The following CDH13 variants were observed in gnomAD, a reference collection of about 807,000 sequenced individuals.
CDH13 encodes cadherin-13.
In CDH13, 24 loss-of-function variants were observed where a neutral mutation model predicts 63.8. That is an observed-to-expected ratio of 0.38 (90% CI 0.27 to 0.53). The LOEUF (loss-of-function observed/expected upper bound fraction) is 0.53. Among genes scored for constraint, CDH13 ranks in the 20% least tolerant of loss-of-function variants. The pLI, the probability that CDH13 is intolerant of heterozygous loss-of-function variation, is 0.85. For synonymous variants in CDH13, 503 were observed against 355.3 expected, an observed-to-expected ratio of 1.42 and a Z score of -4.67; for missense variants, 1,049 against 903.1, an observed-to-expected ratio of 1.16 and a Z score of -2.07.
chr16:83,204,179 G>A (rs771135943), intron 4 of CDH13, among the ~76,000 whole-genome samples: 22 of 152,202 alleles, frequency 1.4e-4, no homozygotes, highest in Non-Finnish European at 2.8e-4. Flanking sequence ...CTACTGGGTT[G>A]AGTGCTCCTA....
intron 1 of CDH13, among the ~76,000 whole-genome samples, chr16:82,794,100 G>A (rs1007331522): frequency 1.3e-5 from 2 of 151,960 alleles, no homozygotes; most frequent in African/African-American, 2.4e-5. Flanking sequence ...GAGGGAGGAT[G>A]ACTTTGAATG....
intron 5 of CDH13, among the ~76,000 whole-genome samples, chr16:83,293,470 C>G (rs1447211226): frequency 6.6e-6 from 1 of 152,126 alleles, no homozygotes; most frequent in Non-Finnish European, 1.5e-5. Flanking sequence ...GTTTTCTTTA[C>G]AAAGCCACCT....
At chr16:82,876,571 C>A (rs1342998623) in intron 2 of CDH13, among the ~76,000 whole-genome samples, 1 of 152,164 alleles carries the variant, frequency 6.6e-6, no homozygotes, top group East Asian at 1.9e-4. Context: ...ACATTGCTTT[C>A]AACTTCTGTA....
chr16:83,208,004 TTTTA>T (rs2151774476), intron 4 of CDH13, among the ~76,000 whole-genome samples: 1 of 152,036 alleles, frequency 6.6e-6, no homozygotes, highest in East Asian at 1.9e-4. Flanking sequence ...GTTGCTGGAG[TTTTA>T]TTTTTCTTCC....
rs1567797605 is a variant in CDH13, at chr16:83,602,123, AAAAAAAAAAAAAAAAAAAAAC to A, written c.961-330_961-310del. ...GAACAACAACAAAAAAAAAAAAAAA[AAAAAAAAAAAAAAAAAAAAAC>A]CCAAAGGACAATGTATACCCAAGCC... is the stretch of plus-strand genomic sequence containing the variant. On this transcript the variant is annotated intron_variant, in intron 7 of 13. Transcript: ENST00000567109. 2.7e-4 allele frequency among the ~76,000 whole-genome samples: 27 copies of A among 101,084 alleles called. 1 individual carries two copies. Among genetic ancestry groups the A allele is most frequent in the African/African-American group, 8.3e-4 (18 of 21,742 alleles). The allele number at this position is 101,084 out of a possible 152,430, so 66.3% of individuals were successfully genotyped here.
Position 82,664,481 on chromosome 16 carries a change from A to G in CDH13, c.45+37344A>G, listed in dbSNP as rs960806981. Among the ~76,000 whole-genome samples, 6 of 152,250 alleles carry G rather than the reference A, an allele frequency of 3.9e-5. 1 individual carries two copies. The highest frequency in any genetic ancestry group is 4.1e-4 in the South Asian group (2 of 4,824). On this transcript the variant is annotated intron_variant, in intron 1 of 13. Coordinates refer to ENST00000567109, the MANE Select transcript of CDH13 (RefSeq NM_001257.5). Reference sequence around the variant, plus strand: ...AAAGCTGCCAGCCAGTGAGCCCAGCACAGTCAGAGTCCTGTCAATGCAGTA... The same window carrying G: ...AAAGCTGCCAGCCAGTGAGCCCAGCGCAGTCAGAGTCCTGTCAATGCAGTA...
chr16:83,548,010 G>T (rs1194944569), intron 7 of CDH13, among the ~76,000 whole-genome samples: 5 of 152,172 alleles, frequency 3.3e-5, no homozygotes, highest in Non-Finnish European at 7.3e-5. Flanking sequence ...AAGCTTTTGA[G>T]AGATTTCAGT....
At chr16:82,744,633 T>A (rs778438193) in intron 1 of CDH13, among the ~76,000 whole-genome samples, 3 of 152,066 alleles carry the variant, frequency 2.0e-5, no homozygotes, top group South Asian at 2.1e-4. Flanking sequence ...AGAACAAAGA[T>A]CTCCCCTCCC....
chr16:83,450,935 G>A (rs2072870451), intron 6 of CDH13, among the ~76,000 whole-genome samples: 1 of 152,184 alleles, frequency 6.6e-6, no homozygotes, highest in Non-Finnish European at 1.5e-5. Flanking sequence ...CCTTGTGTGT[G>A]CGTCGGCATC....
intron 5 of CDH13, among the ~76,000 whole-genome samples, chr16:83,303,793 A>G (rs966799786): frequency 6.6e-6 from 1 of 152,124 alleles, no homozygotes; most frequent in South Asian, 2.1e-4. Context: ...TTGTGTTCTG[A>G]TCCCCAATAC....
intron 1 of CDH13, among the ~76,000 whole-genome samples, chr16:82,853,939 A>T (rs554093450): frequency 7.2e-4 from 110 of 152,314 alleles, no homozygotes; most frequent in Non-Finnish European, 1.4e-3. Context: ...TATTGGAGAA[A>T]GGGCTTGCCT....
At chr16:82,864,990 A>G (rs1375600687) in intron 2 of CDH13, among the ~76,000 whole-genome samples, 2 of 152,184 alleles carry the variant, frequency 1.3e-5, no homozygotes, top group East Asian at 3.8e-4. Context: ...GGCCCCACGC[A>G]AGTCCAAAAT....
At chr16:83,482,749 T>A (rs1173582059) in intron 6 of CDH13, among the ~76,000 whole-genome samples, 1 of 152,132 alleles carries the variant, frequency 6.6e-6, no homozygotes, top group East Asian at 1.9e-4. Context: ...ACAGAATGTG[T>A]GTGTGCACGT....
At chr16:82,835,441 A>G (rs895231094) in intron 1 of CDH13, among the ~76,000 whole-genome samples, 1 of 152,200 alleles carries the variant, frequency 6.6e-6, no homozygotes, top group African/African-American at 2.4e-5. Flanking sequence ...CCATATTCCA[A>G]GCTGCAAATA....
intron 9 of CDH13, among the ~76,000 whole-genome samples, chr16:83,671,910 G>C (rs1437130): frequency 0.27 from 41,739 of 152,156 alleles, 5,946 homozygotes; most frequent in East Asian, 0.5. Flanking sequence ...GGTATTCTGG[G>C]AGAAGGCATT....
intron 1 of CDH13, among the ~76,000 whole-genome samples, chr16:82,761,017 C>CTTTTTCTTTTTTTTTTTTTT (rs2034820952): frequency 2.5e-5 from 1 of 40,452 alleles, no homozygotes; most frequent in Non-Finnish European, 4.6e-5. Context: ...TTCTTTCTTT[C>CTTTTTCTTTTTTTTTTTTTT]TTTTTTTTTT....
In CDH13 at chr16:83,800,271, T is replaced by G. The variant is rs1275675905; in HGVS notation, c.*5241T>G. On this transcript the variant is annotated 3_prime_UTR_variant, in exon 14 of 14. Coordinates refer to ENST00000567109, the MANE Select transcript of CDH13 (RefSeq NM_001257.5). ...TTTTTTTGCTACTTTTTAAAAAGCT[T>G]TTTCTTTAGAGAGTACTAAAGCCAT... 1.3e-5 allele frequency: 2 copies of G among 152,150 alleles called. No individual in the cohort carries two copies. Among genetic ancestry groups the G allele is most frequent in the Non-Finnish European group, 2.9e-5 (2 of 68,024 alleles). The allele number at this position is 152,150 out of a possible 1,614,324, so 9.4% of individuals were successfully genotyped here.
At chr16:82,973,804 A>T (rs1289324507) in intron 2 of CDH13, among the ~76,000 whole-genome samples, 2 of 152,232 alleles carry the variant, frequency 1.3e-5, no homozygotes, top group South Asian at 4.1e-4. Context: ...CTTTTTGCTT[A>T]TACAGTAGTC....
intron 6 of CDH13, among the ~76,000 whole-genome samples, chr16:83,423,233 G>A (rs776549740): frequency 1.3e-5 from 2 of 152,132 alleles, no homozygotes; most frequent in South Asian, 2.1e-4. Context: ...AGCCTCTAAA[G>A]TATTTCAGGC....
Sources: gnomAD v4.1 joint callset for allele counts (sites outside exome capture counted in the v4.1 genomes callset) on GRCh38, gnomAD v4.1.1 for gene constraint, MANE v1.5 for transcripts, NCBI Gene and HGNC (gene_info 2026-07-23, HGNC 2026-07-21) for gene names.